CSMD1: variants seen among roughly 807,000 people sequenced by gnomAD.
CSMD1 encodes CUB and sushi domain-containing protein 1.
CSMD1 carries 213 observed loss-of-function variants against 417.5 expected under a neutral mutation model. The ratio of observed to expected loss-of-function variants is 0.51; its 90% CI spans 0.46 to 0.57. The LOEUF is 0.57. Ranked by LOEUF, CSMD1 falls within the 20% of genes least tolerant of loss-of-function variation. CSMD1 has a pLI of 0.00. For missense variants in CSMD1, 6,923 were observed against 4,529.7 expected (o/e 1.53, Z -15.17); for synonymous variants, 2,862 against 1,736.8 (o/e 1.65, Z -16.11).
At chr8:3,342,733 C>A (rs1447990028) in intron 23 of CSMD1, among the ~76,000 whole-genome samples, 2 of 152,094 alleles carry the variant, frequency 1.3e-5, no homozygotes, top group Non-Finnish European at 2.9e-5. Flanking sequence ...CTGGCTCCAC[C>A]AACTCTTAAA....
intron 12 of CSMD1, among the ~76,000 whole-genome samples, chr8:3,447,078 G>A (rs892628849): frequency 2.6e-5 from 4 of 152,152 alleles, no homozygotes; most frequent in Non-Finnish European, 1.5e-5. Flanking sequence ...AACATCAGTT[G>A]TTATATTTTG....
intron 12 of CSMD1, among the ~76,000 whole-genome samples, chr8:3,436,082 C>G (rs1383626636): frequency 6.6e-6 from 1 of 152,260 alleles, no homozygotes; most frequent in East Asian, 1.9e-4. Context: ...CTGCTGGTTC[C>G]ACCCTAAGGA....
chr8:4,563,614 A>G (rs1244385366), intron 2 of CSMD1, among the ~76,000 whole-genome samples: 2 of 152,192 alleles, frequency 1.3e-5, no homozygotes, highest in East Asian at 3.9e-4. Context: ...CTTTAAAACA[A>G]TTAAAACCTT....
At chr8:3,115,921 A>C (rs1816836699) in intron 42 of CSMD1, among the ~76,000 whole-genome samples, 1 of 152,118 alleles carries the variant, frequency 6.6e-6, no homozygotes, top group African/African-American at 2.4e-5. Flanking sequence ...AGTACACTTG[A>C]CCTATATAGC....
chr8:3,768,984 C>T (rs1798433938), intron 5 of CSMD1, among the ~76,000 whole-genome samples: 1 of 152,230 alleles, frequency 6.6e-6, no homozygotes, highest in Non-Finnish European at 1.5e-5. Context: ...CTGGCGGATT[C>T]CCGCACAGCA....
chr8:3,972,053 T>A (rs141542071), intron 5 of CSMD1, among the ~76,000 whole-genome samples: 26 of 152,152 alleles, frequency 1.7e-4, no homozygotes, highest in African/African-American at 5.5e-4. Context: ...AAATTTTTCA[T>A]AGAGACAGGG....
chr8:3,631,515 G>C (rs929036923), intron 7 of CSMD1, among the ~76,000 whole-genome samples: 1 of 152,188 alleles, frequency 6.6e-6, no homozygotes, highest in Non-Finnish European at 1.5e-5. Context: ...TAGCTTAGGG[G>C]ATTCCAGATA....
At chr8:4,198,394 C>G (rs965475795) in intron 3 of CSMD1, among the ~76,000 whole-genome samples, 1 of 152,148 alleles carries the variant, frequency 6.6e-6, no homozygotes, top group Non-Finnish European at 1.5e-5. Context: ...TGGACAGAGA[C>G]TTTTCAGAAT....
intron 2 of CSMD1, among the ~76,000 whole-genome samples, chr8:4,429,099 G>T (rs919847062): frequency 1.3e-5 from 2 of 151,678 alleles, no homozygotes; most frequent in South Asian, 2.1e-4. Context: ...ATCATAAAAT[G>T]ATTACTACTG....
At chr8:4,723,127 A>G (rs1453727792) in intron 1 of CSMD1, among the ~76,000 whole-genome samples, 1 of 152,178 alleles carries the variant, frequency 6.6e-6, no homozygotes, top group South Asian at 2.1e-4. Flanking sequence ...ACCTAACACC[A>G]TTAAAATCTA....
chr8:4,604,723 T>C (rs1242687610), intron 2 of CSMD1, among the ~76,000 whole-genome samples: 1 of 152,168 alleles, frequency 6.6e-6, no homozygotes, highest in Non-Finnish European at 1.5e-5. Context: ...ATGGGCTTAA[T>C]GGTAACATTT....
chr8:4,828,378 C>A (rs1799953512), intron 1 of CSMD1, among the ~76,000 whole-genome samples: 1 of 152,048 alleles, frequency 6.6e-6, no homozygotes, highest in African/African-American at 2.4e-5. Context: ...TATGGAAGAC[C>A]ACAATGACTT....
rs1458076716 is a variant in CSMD1 at position 2,954,257 on chromosome 8, T to C, written c.10006A>G (p.Arg3336Gly). Residue 3336 changes from arginine (R) to glycine (G), a missense_variant, in exon 65 of 70, where the codon AGA becomes GGA. Arg to Gly is a moderately radical substitution (Grantham distance 125, BLOSUM62 -2). Coordinates refer to ENST00000635120, the MANE Select transcript of CSMD1 (RefSeq NM_033225.6). Reference protein sequence around the residue: ...KSPVCKSKGVREVNETVTKTP... With the variant: ...KSPVCKSKGVGEVNETVTKTP... ...TTAGTAACTGTTTCATTAACTTCTC[T>C]CACTCCTTTACCTACAAGTAAAAAG... is the stretch of plus-strand genomic sequence containing the variant. 1.3e-6 allele frequency: 2 copies of C among 1,492,646 alleles called. No homozygotes were observed. The highest frequency in any genetic ancestry group is 2.5e-5 in the South Asian group (2 of 80,196). The allele number at this position is 1,492,646 out of a possible 1,614,324, so 92.5% of individuals were successfully genotyped here.
At chr8:4,971,641 G>A (rs1029105810) in intron 1 of CSMD1, among the ~76,000 whole-genome samples, 1 of 151,288 alleles carries the variant, frequency 6.6e-6, no homozygotes, top group Admixed American at 6.6e-5. Flanking sequence ...AAAATGTATA[G>A]TCTTATTCTT....
At chr8:3,902,395 T>C (rs1302112811) in intron 5 of CSMD1, among the ~76,000 whole-genome samples, 2 of 152,186 alleles carry the variant, frequency 1.3e-5, no homozygotes, top group African/African-American at 4.8e-5. Context: ...TTGTTGGATC[T>C]TCCTAAGGCA....
chr8:4,471,223 G>C (rs375684635), intron 2 of CSMD1, among the ~76,000 whole-genome samples: 1 of 152,008 alleles, frequency 6.6e-6, no homozygotes, highest in East Asian at 1.9e-4. Context: ...AAAAAGTCTC[G>C]TGTTCCCCAA....
At chr8:4,236,308 A>G (rs577237591) in intron 3 of CSMD1, among the ~76,000 whole-genome samples, 25 of 152,122 alleles carry the variant, frequency 1.6e-4, no homozygotes, top group South Asian at 2.1e-4. Context: ...AGAACGCAGG[A>G]AACAGTATAG....
intron 9 of CSMD1, among the ~76,000 whole-genome samples, chr8:3,585,184 A>T (rs1285940594): frequency 1.3e-5 from 2 of 152,168 alleles, no homozygotes; most frequent in Admixed American, 6.5e-5. Flanking sequence ...GAGTATTCTT[A>T]GCTTAGAGGA....
intron 8 of CSMD1, among the ~76,000 whole-genome samples, chr8:3,600,203 T>A (rs1430589186): frequency 2.0e-5 from 3 of 152,188 alleles, no homozygotes; most frequent in African/African-American, 7.2e-5. Context: ...TCTTTCCAGG[T>A]ATCTGTCTGT....
Sources: gnomAD v4.1 joint callset for allele counts (sites outside exome capture counted in the v4.1 genomes callset) on GRCh38, gnomAD v4.1.1 for gene constraint, MANE v1.5 for transcripts, NCBI Gene and HGNC (gene_info 2026-07-23, HGNC 2026-07-21) for gene names.